DPF3: variants seen among roughly 807,000 people sequenced by gnomAD.
DPF3 encodes zinc finger protein DPF3.
In DPF3, 18 loss-of-function variants were observed where a neutral mutation model predicts 56.8. That is an observed-to-expected ratio of 0.32 (90% confidence interval 0.22 to 0.47). The LOEUF (loss-of-function observed/expected upper bound fraction) is 0.47. Among genes scored for constraint, DPF3 ranks in the 20% least tolerant of loss-of-function variants. The probability of loss-of-function intolerance (pLI) is 1.00; values close to 1 mark genes in which losing one functional copy is unlikely to be tolerated. For missense variants in DPF3, 403 were observed against 488.8 expected (o/e 0.82, Z 1.65); for synonymous variants, 188 against 180.2 (o/e 1.04, Z -0.35).
intron 8 of DPF3, among the ~76,000 whole-genome samples, chr14:72,648,620 C>T (rs1347478506): frequency 6.6e-6 from 1 of 151,664 alleles, no homozygotes; most frequent in Non-Finnish European, 1.5e-5. Context: ...CCATGCCACA[C>T]CCACCCAGCT....
chr14:72,808,362 CTGAG>C (rs891723619), intron 1 of DPF3, among the ~76,000 whole-genome samples: 26 of 152,318 alleles, frequency 1.7e-4, no homozygotes, highest in Middle Eastern at 3.4e-3. Context: ...GAAACCTTAA[CTGAG>C]TGAACATTTT....
At chr14:72,684,115 T>C (rs1162748351) in intron 7 of DPF3, among the ~76,000 whole-genome samples, 3 of 152,302 alleles carry the variant, frequency 2.0e-5, no homozygotes, top group East Asian at 1.9e-4. Context: ...GGCACAATCA[T>C]GGCTTACTGC....
chr14:72,825,340 A>T (rs1307653279), intron 1 of DPF3, among the ~76,000 whole-genome samples: 1 of 152,130 alleles, frequency 6.6e-6, no homozygotes, highest in Non-Finnish European at 1.5e-5. Context: ...TTGAATATAC[A>T]GACCCACAAG....
intron 1 of DPF3, among the ~76,000 whole-genome samples, chr14:72,883,298 T>TA (rs895271441): frequency 4.6e-5 from 7 of 151,820 alleles, no homozygotes; most frequent in Non-Finnish European, 1.0e-4. Flanking sequence ...CCCATCTCTA[T>TA]AAAAAAATTA....
chr14:72,676,448 G>C (rs935516737), intron 7 of DPF3, among the ~76,000 whole-genome samples: 1 of 152,184 alleles, frequency 6.6e-6, no homozygotes, highest in East Asian at 1.9e-4. Flanking sequence ...CCCTCATGAC[G>C]TATGAGGATG....
intron 2 of DPF3, among the ~76,000 whole-genome samples, chr14:72,761,541 T>G (rs912799407): frequency 1.3e-5 from 2 of 152,020 alleles, no homozygotes; most frequent in Non-Finnish European, 2.9e-5. Context: ...TATATCAAAT[T>G]TTTTAAATGA....
chr14:72,863,113 CATATATGTGTGTGTGTGTGTGTGTATAT>C (rs1885513342), intron 1 of DPF3, among the ~76,000 whole-genome samples: 1 of 106,716 alleles, frequency 9.4e-6, no homozygotes, highest in East Asian at 2.4e-4. Flanking sequence ...TGTGTGTATA[CATATATGTGTGTGTGTGTGTGTGTATAT>C]ATATATGTGT....
intron 5 of DPF3, among the ~76,000 whole-genome samples, chr14:72,722,558 A>G (rs1263103599): frequency 1.3e-5 from 2 of 152,184 alleles, no homozygotes; most frequent in Admixed American, 1.3e-4. Context: ...AAGAGTGGAG[A>G]GCCCTGCCAT....
intron 1 of DPF3, among the ~76,000 whole-genome samples, chr14:72,862,262 T>A (rs994274344): frequency 7.2e-5 from 11 of 152,140 alleles, no homozygotes; most frequent in Non-Finnish European, 1.2e-4. Context: ...ACCTGGAAGT[T>A]GAATTGGCCT....
rs928257828 is a variant in DPF3, at chr14:72,617,611, C to T, written c.*1686G>A. ...CAGGAGAGTGACCCCCATCGCTTGC[C>T]ACAGGTCACTCTGCTGAAGCGTGGG... On this transcript the variant is annotated 3_prime_UTR_variant, in exon 11 of 11. Coordinates refer to ENST00000556509, the MANE Select transcript of DPF3 (RefSeq NM_001280542.3). Among the ~76,000 whole-genome samples the T allele has an allele frequency of 2.0e-5, 3 of 152,228 alleles. No individual in the cohort carries two copies. The highest frequency in any genetic ancestry group is 6.5e-5 in the Admixed American group (1 of 15,290).
chr14:72,653,465 A>G lies in DPF3; in HGVS notation c.871+20775T>C, dbSNP rs374969952. 5.9e-5 allele frequency among the ~76,000 whole-genome samples: 9 copies of G among 152,366 alleles called. No homozygotes were observed. The East Asian group carries it at 1.4e-3, about 23-fold the overall frequency. On this transcript the variant is annotated intron_variant, in intron 8 of 10. Transcript: ENST00000556509. Reference sequence around the variant, plus strand: ...AGAATCAGTGATGGAAATGGAAGCCAGCAGTCAGGGCTTGCAAGCTCAGCC... The same window carrying G: ...AGAATCAGTGATGGAAATGGAAGCCGGCAGTCAGGGCTTGCAAGCTCAGCC...
At chr14:72,743,993 A>C (rs1237938241) in intron 3 of DPF3, among the ~76,000 whole-genome samples, 1 of 152,242 alleles carries the variant, frequency 6.6e-6, no homozygotes, top group Non-Finnish European at 1.5e-5. Context: ...AGGAGGTTGC[A>C]AGATGTTTAT....
At chr14:72,892,176 C>T (rs1567273181) in intron 1 of DPF3, 6 of 1,535,388 alleles carry the variant, frequency 3.9e-6, no homozygotes, top group Non-Finnish European at 5.2e-6. Flanking sequence ...GGTTCTCTAA[C>T]TTGAGTTTAC....
At chr14:72,619,471 C>A in intron 10 of DPF3, 104 bp from the exon 11 acceptor site, 1 of 1,323,564 alleles carries the variant, frequency 7.6e-7, no homozygotes, top group South Asian at 1.3e-5. Context: ...TGAACTTTGG[C>A]AATGCAGAAA....
intron 1 of DPF3, among the ~76,000 whole-genome samples, chr14:72,805,523 T>C (rs189649936): frequency 2.0e-5 from 3 of 149,674 alleles, no homozygotes; most frequent in Admixed American, 2.0e-4. Context: ...AATGGAACAG[T>C]CACAGCATGC....
At chr14:72,739,590 G>A (rs1253913939) in intron 3 of DPF3, among the ~76,000 whole-genome samples, 3 of 152,202 alleles carry the variant, frequency 2.0e-5, no homozygotes, top group African/African-American at 4.8e-5. Flanking sequence ...ACCCCACCAT[G>A]GGCATGAGCC....
intron 6 of DPF3, 136 bp downstream of exon 6, chr14:72,714,287 T>G: frequency 9.1e-7 from 1 of 1,095,490 alleles, no homozygotes. Flanking sequence ...GGCAGGCGAG[T>G]AAGCTGGGGT....
chr14:72,677,526 G>A lies in DPF3; in HGVS notation c.743-3158C>T, dbSNP rs188319520. On this transcript the variant is annotated intron_variant, in intron 7 of 10. Transcript: ENST00000556509. Reference sequence around the variant, plus strand: ...TTGAGTCTGTGTGCCTCCTCTCCCCGTTTCACATTATCATCTCTCCATATT... The same window carrying A: ...TTGAGTCTGTGTGCCTCCTCTCCCCATTTCACATTATCATCTCTCCATATT... Among the ~76,000 whole-genome samples the A allele has an allele frequency of 8.5e-4, 129 of 152,180 alleles. 1 individual carries two copies. The highest frequency in any genetic ancestry group is 1.4e-3 in the Non-Finnish European group (97 of 68,002).
intron 2 of DPF3, among the ~76,000 whole-genome samples, chr14:72,753,929 A>G (rs568909600): frequency 5.9e-5 from 9 of 152,126 alleles, no homozygotes; most frequent in African/African-American, 2.2e-4. Context: ...CCATGAGAAC[A>G]TAAACCCACT....
Sources: allele counts gnomAD v4.1 joint callset (sites outside exome capture counted in the v4.1 genomes callset), GRCh38; gene constraint gnomAD v4.1.1; transcripts MANE v1.5; gene names NCBI Gene and HGNC (gene_info 2026-07-23, HGNC 2026-07-21).